RFX3: variants seen among roughly 807,000 people sequenced by gnomAD.
The protein encoded by RFX3 is transcription factor RFX3.
A neutral mutation model predicts 98.6 loss-of-function variants in RFX3; 14 were observed. The ratio of observed to expected loss-of-function variants is 0.14; its 90% CI spans 0.09 to 0.22. RFX3 has a LOEUF of 0.22. RFX3 is among the 10% of genes least tolerant of loss of function. The probability of loss-of-function intolerance (pLI) is 1.00; values close to 1 mark genes in which losing one functional copy is unlikely to be tolerated. For synonymous variants in RFX3, 383 were observed against 328.4 expected (o/e 1.17, Z -1.80); for missense variants, 639 against 926.9 (o/e 0.69, Z 4.03).
At chr9:3,341,828 A>C (rs1036744893) in intron 3 of RFX3, among the ~76,000 whole-genome samples, 1 of 152,202 alleles carries the variant, frequency 6.6e-6, no homozygotes, top group African/African-American at 2.4e-5. Context: ...TACCAGTCAG[A>C]ATGTGTACAT....
At chr9:3,321,959 A>G (rs1220527163) in intron 4 of RFX3, among the ~76,000 whole-genome samples, 1 of 152,064 alleles carries the variant, frequency 6.6e-6, no homozygotes, top group Non-Finnish European at 1.5e-5. Flanking sequence ...CATTTGGCCT[A>G]CTTGGTCTCT....
Position 3,225,156 on chromosome 9 carries a change from G to C in RFX3, c.2136C>G (p.Leu712=), listed in dbSNP as rs113424988. The C allele has an allele frequency of 1.9e-6, 3 of 1,613,950 alleles. No individual in the cohort carries two copies. The highest frequency in any genetic ancestry group is 2.2e-5 in the East Asian group (1 of 44,864). The part of the protein sequence containing the change: ...AFPVGCMQPV[L]ETGVQPSLLN... ...GGAGGCTTGGTTGCACGCCAGTCTC[G>C]AGAACAGGCTGCATGCAGCCCACTG... Residue 712 remains leucine (L), a synonymous_variant, in exon 17 of 17, where the codon CTC becomes CTG. Coordinates refer to ENST00000617270, the MANE Select transcript of RFX3 (RefSeq NM_001282116.2).
At chr9:3,518,110 T>C (rs1305555031) in intron 1 of RFX3, among the ~76,000 whole-genome samples, 1 of 152,238 alleles carries the variant, frequency 6.6e-6, no homozygotes, top group Non-Finnish European at 1.5e-5. Flanking sequence ...GAGAACAATA[T>C]GCTATACTAT....
chr9:3,329,423 A>T (rs868364393), intron 4 of RFX3, among the ~76,000 whole-genome samples: 1 of 150,110 alleles, frequency 6.7e-6, no homozygotes, highest in Admixed American at 6.6e-5. Flanking sequence ...AAAAAAAAAA[A>T]AAAAACAAAA....
intron 2 of RFX3, among the ~76,000 whole-genome samples, chr9:3,360,405 A>C (rs1331533596): frequency 6.6e-6 from 1 of 152,140 alleles, no homozygotes; most frequent in Admixed American, 6.6e-5. Context: ...CAGGTTTAAA[A>C]TGACCTTGAG....
At chr9:3,489,779 C>G (rs1305455379) in intron 1 of RFX3, among the ~76,000 whole-genome samples, 1 of 152,090 alleles carries the variant, frequency 6.6e-6, no homozygotes, top group East Asian at 1.9e-4. Flanking sequence ...ACCTATGAGT[C>G]TCATATTTGT....
At chr9:3,346,897 T>C (rs1834495914) in intron 2 of RFX3, 133 bp from the exon 3 acceptor site, 1 of 643,824 alleles carries the variant, frequency 1.6e-6, no homozygotes, top group South Asian at 1.8e-5. Flanking sequence ...AACTATTAGA[T>C]TCATGTCATA....
At chr9:3,425,747 T>G (rs985129061) in intron 1 of RFX3, among the ~76,000 whole-genome samples, 12 of 152,252 alleles carry the variant, frequency 7.9e-5, no homozygotes, top group East Asian at 1.9e-4. Context: ...CCCATTTTCA[T>G]GCTCTTCACC....
intron 4 of RFX3, among the ~76,000 whole-genome samples, chr9:3,317,010 A>G (rs1587018969): frequency 6.6e-6 from 1 of 152,234 alleles, no homozygotes; most frequent in East Asian, 1.9e-4. Flanking sequence ...CAGAATTGGA[A>G]AAAACTACTT....
chr9:3,444,570 T>C (rs57929257), intron 1 of RFX3, among the ~76,000 whole-genome samples: 1,806 of 152,272 alleles, frequency 0.012, 34 homozygotes, highest in African/African-American at 0.041. Context: ...CTATATGCAG[T>C]TTATTGTATG....
intron 14 of RFX3, among the ~76,000 whole-genome samples, chr9:3,251,738 T>G (rs1201769666): frequency 1.3e-5 from 2 of 152,208 alleles, no homozygotes; most frequent in Non-Finnish European, 2.9e-5. Flanking sequence ...AAAACAATAC[T>G]GAGTCAGGTG....
chr9:3,523,169 G>A (rs1279738743), intron 1 of RFX3, among the ~76,000 whole-genome samples: 2 of 152,126 alleles, frequency 1.3e-5, no homozygotes, highest in African/African-American at 4.8e-5. Context: ...TTGAATCACA[G>A]ACATTTGACT....
chr9:3,451,417 G>A (rs899764188), intron 1 of RFX3, among the ~76,000 whole-genome samples: 5 of 152,126 alleles, frequency 3.3e-5, no homozygotes, highest in African/African-American at 4.8e-5. Context: ...ATGGTGGCGT[G>A]TCTGTAGTCC....
chr9:3,454,468 G>C (rs1271678787), intron 1 of RFX3, among the ~76,000 whole-genome samples: 2 of 152,124 alleles, frequency 1.3e-5, no homozygotes, highest in Admixed American at 6.6e-5. Flanking sequence ...ATATATAAGA[G>C]AAAGAGCATG....
intron 1 of RFX3, among the ~76,000 whole-genome samples, chr9:3,474,177 T>C (rs1378823137): frequency 6.6e-6 from 1 of 152,216 alleles, no homozygotes; most frequent in Non-Finnish European, 1.5e-5. Context: ...TGACTTGTTA[T>C]AGATGTAGAT....
At chr9:3,457,139 C>CAAAAAAAAAAAA (rs1169959832) in intron 1 of RFX3, among the ~76,000 whole-genome samples, 6 of 22,814 alleles carry the variant, frequency 2.6e-4, no homozygotes, top group African/African-American at 3.4e-4. Context: ...GACTCCATCT[C>CAAAAAAAAAAAA]AAAAAAAAAA....
intron 4 of RFX3, among the ~76,000 whole-genome samples, chr9:3,320,787 A>ATATG (rs1269919080): frequency 1.6e-5 from 2 of 124,706 alleles, no homozygotes; most frequent in Admixed American, 1.5e-4. Flanking sequence ...ATATATATAT[A>ATATG]TATATATATA....
chr9:3,308,074 T>A (rs1829537190), intron 4 of RFX3, among the ~76,000 whole-genome samples: 1 of 152,204 alleles, frequency 6.6e-6, no homozygotes, highest in East Asian at 1.9e-4. Context: ...CCTTGTTTAT[T>A]ATTTAAAAAA....
At chr9:3,477,691 A>G (rs1256665723) in intron 1 of RFX3, among the ~76,000 whole-genome samples, 1 of 152,142 alleles carries the variant, frequency 6.6e-6, no homozygotes, top group Non-Finnish European at 1.5e-5. Context: ...GCACAGAGTA[A>G]TATTTTTCAG....
Sources: allele counts gnomAD v4.1 joint callset (sites outside exome capture counted in the v4.1 genomes callset), GRCh38; gene constraint gnomAD v4.1.1; transcripts MANE v1.5; gene names NCBI Gene and HGNC (gene_info 2026-07-23, HGNC 2026-07-21).